The following ZBTB46 variants were observed in gnomAD, a reference collection of about 807,000 sequenced individuals.
ZBTB46 encodes zinc finger and BTB domain containing 46, also known as zinc finger and BTB domain-containing protein 46.
ZBTB46 carries 8 observed loss-of-function variants against 44.1 expected under a neutral mutation model. That is an observed-to-expected ratio of 0.18 (90% CI 0.11 to 0.33). The LOEUF (loss-of-function observed/expected upper bound fraction) is 0.33. Among genes scored for constraint, ZBTB46 ranks in the 10% least tolerant of loss-of-function variants. The pLI is 1.00. For missense variants in ZBTB46, 651 were observed against 847.7 expected (o/e 0.77, Z 2.88); for synonymous variants, 409 against 382.3 (o/e 1.07, Z -0.81).
chr20:63,802,826 C>A (rs2092657457), intron 1 of ZBTB46, among the ~76,000 whole-genome samples: 1 of 150,292 alleles, frequency 6.7e-6, no homozygotes, highest in African/African-American at 2.5e-5. Flanking sequence ...AGCACCCTCC[C>A]AGGAACCGCC....
chr20:63,795,936 G>C (rs145056351), intron 1 of ZBTB46, among the ~76,000 whole-genome samples: 17 of 152,150 alleles, frequency 1.1e-4, no homozygotes, highest in African/African-American at 3.6e-4. Flanking sequence ...GTCCATCATT[G>C]AGCGCCTTTG....
At chr20:63,809,146 CCTGGGGCACTTCG>C (rs1407055188) in intron 1 of ZBTB46, among the ~76,000 whole-genome samples, 1 of 152,164 alleles carries the variant, frequency 6.6e-6, no homozygotes, top group Non-Finnish European at 1.5e-5. Context: ...GACCGCAGCG[CCTGGGGCACTTCG>C]CCATGGGCTT....
At chr20:63,749,474 C>T (rs1057300852) in intron 4 of ZBTB46, among the ~76,000 whole-genome samples, 3 of 152,162 alleles carry the variant, frequency 2.0e-5, no homozygotes, top group South Asian at 2.1e-4. Context: ...GTAGCTGGGA[C>T]TACAGGCACC....
chr20:63,771,756 G>C (rs889428059), intron 3 of ZBTB46, among the ~76,000 whole-genome samples: 1 of 152,232 alleles, frequency 6.6e-6, no homozygotes, highest in Non-Finnish European at 1.5e-5. Context: ...CAGTGAGGGA[G>C]GACCACAGAA....
intron 3 of ZBTB46, among the ~76,000 whole-genome samples, chr20:63,766,315 A>T (rs541019214): frequency 4.2e-5 from 6 of 144,344 alleles, no homozygotes; most frequent in Non-Finnish European, 8.9e-5. Context: ...TCCCGGGTTC[A>T]AGTGATTCTC....
chr20:63,745,552 G>A lies in ZBTB46; in HGVS notation c.*1378C>T, dbSNP rs1275746596. ...GCCCTGAAGCTCAGCACTCCGGGGG[G>A]TCTTCACACGGGCAGGTCCTGGAGG... On this transcript the variant is annotated 3_prime_UTR_variant, in exon 5 of 5. Transcript: ENST00000245663. 1 of 152,334 alleles carries A rather than the reference G, an allele frequency of 6.6e-6. No homozygotes were observed. The highest frequency in any genetic ancestry group is 1.5e-5 in the Non-Finnish European group (1 of 68,086). The allele number at this position is 152,334 out of a possible 1,614,324, so 9.4% of individuals were successfully genotyped here.
At chr20:63,765,105 TTGTG>T (rs1320451168) in intron 3 of ZBTB46, among the ~76,000 whole-genome samples, 61 of 150,486 alleles carry the variant, frequency 4.1e-4, no homozygotes, top group African/African-American at 1.1e-3. Flanking sequence ...GTATGTGTGG[TTGTG>T]TGTGTGTGTG....
intron 1 of ZBTB46, among the ~76,000 whole-genome samples, chr20:63,805,289 C>T (rs2092674202): frequency 1.3e-5 from 2 of 152,216 alleles, no homozygotes; most frequent in South Asian, 2.1e-4. Context: ...ATACTAAGTG[C>T]TGATAGAAGG....
chr20:63,768,691 T>A (rs2092341193), intron 3 of ZBTB46, among the ~76,000 whole-genome samples: 1 of 151,976 alleles, frequency 6.6e-6, no homozygotes, highest in Non-Finnish European at 1.5e-5. Flanking sequence ...GCCCTTTCTT[T>A]ATAGAAAAGA....
rs1259480198 is a variant in ZBTB46, at chr20:63,774,850, C to T, written c.1222+828G>A. Among the ~76,000 whole-genome samples the T allele has an allele frequency of 5.9e-5, 9 of 151,822 alleles. No homozygotes were observed. In the East Asian group the frequency reaches 1.4e-3, roughly 23 times the overall value. ...TCCCGAGTAGCTGGGACTACAGGCG[C>T]CCGCCACCACGCCCGGCTAATTTTT... On this transcript the variant is annotated intron_variant, in intron 3 of 4. Coordinates refer to ENST00000245663, the MANE Select transcript of ZBTB46 (RefSeq NM_001369741.1).
intron 1 of ZBTB46, among the ~76,000 whole-genome samples, chr20:63,807,846 G>A (rs915168400): frequency 4.2e-4 from 64 of 152,258 alleles, no homozygotes; most frequent in Non-Finnish European, 6.8e-4. Context: ...CTCCCAGAGC[G>A]GGGCTCGCCC....
At chr20:63,764,359 T>G (rs2092300809) in intron 3 of ZBTB46, among the ~76,000 whole-genome samples, 1 of 151,486 alleles carries the variant, frequency 6.6e-6, no homozygotes, top group Non-Finnish European at 1.5e-5. Flanking sequence ...TCACTTGAAC[T>G]CGGGAGGCAG....
rs776087199 is a variant in ZBTB46, at chr20:63,790,102, C to G, written c.656G>C (p.Gly219Ala). The G allele has an allele frequency of 6.2e-7, 1 of 1,614,072 alleles. No homozygotes were observed. Among genetic ancestry groups the G allele is most frequent in the Non-Finnish European group, 8.5e-7 (1 of 1,180,032 alleles). ...GCGCAGAGGCCCGTAGCCCACGTCT[C>G]CAGGCCATAGAGGCTGTGAAGAAAC... Reference protein sequence around the residue: ...DDVSSQPLWPGDVGYGPLRIK... With the variant: ...DDVSSQPLWPADVGYGPLRIK... Residue 219 changes from glycine to alanine, a missense_variant, in exon 2 of 5, where the codon GGA becomes GCA. Physicochemically the swap from Gly to Ala is moderately conservative, Grantham distance 60. Around this residue, in one of 5 missense-constraint regions of ZBTB46, gnomAD observed 385 missense variants for 423.3 expected, o/e 0.91. Transcript: ENST00000245663.
At position 63,765,079 on chromosome 20, in the gene ZBTB46, GTGCA is replaced by G. The variant is rs1365982842; in HGVS notation, c.1222+10595_1222+10598del. Among the ~76,000 whole-genome samples, 8 of 36,352 alleles carry G rather than the reference GTGCA, an allele frequency of 2.2e-4. No homozygotes were observed. In the African/African-American group the frequency reaches 2.3e-3, roughly 11 times the overall value. The allele number at this position is 36,352 out of a possible 152,430, so 23.8% of individuals were successfully genotyped here. On this transcript the variant is annotated intron_variant, in intron 3 of 4. Coordinates refer to ENST00000245663, the MANE Select transcript of ZBTB46 (RefSeq NM_001369741.1). ...TATGTTTGTATGTGCATGTGTGCGT[GTGCA>G]TGTGTGCATGTGTATGTGTGGTTGT...
intron 1 of ZBTB46, among the ~76,000 whole-genome samples, chr20:63,827,481 G>A (rs1454945717): frequency 2.0e-5 from 3 of 151,776 alleles, no homozygotes; most frequent in Non-Finnish European, 2.9e-5. Flanking sequence ...GGTGGCGGGC[G>A]CCTGTAGTCC....
At chr20:63,830,572 C>T (rs2092844175) in intron 1 of ZBTB46, among the ~76,000 whole-genome samples, 1 of 150,348 alleles carries the variant, frequency 6.7e-6, no homozygotes, top group Admixed American at 6.6e-5. Context: ...GCAGTTCCGA[C>T]TCTTGGCAAA....
chr20:63,811,062 G>A (rs1601522704), intron 1 of ZBTB46, among the ~76,000 whole-genome samples: 1 of 152,200 alleles, frequency 6.6e-6, no homozygotes, highest in Non-Finnish European at 1.5e-5. Context: ...AAACCCAACA[G>A]GCAGGCGAAG....
At chr20:63,771,330 T>C (rs1203879604) in intron 3 of ZBTB46, among the ~76,000 whole-genome samples, 1 of 151,348 alleles carries the variant, frequency 6.6e-6, no homozygotes, top group Non-Finnish European at 1.5e-5. Context: ...GCCCCCACAG[T>C]CACCCCCACA....
intron 1 of ZBTB46, among the ~76,000 whole-genome samples, chr20:63,813,005 G>A (rs2092726303): frequency 6.6e-6 from 1 of 152,172 alleles, no homozygotes; most frequent in South Asian, 2.1e-4. Flanking sequence ...GGCTGAGGCA[G>A]CAGAATTGCT....
Sources: allele counts gnomAD v4.1 joint callset (sites outside exome capture counted in the v4.1 genomes callset), GRCh38; gene constraint gnomAD v4.1.1; regional missense constraint gnomAD v4.1.1; transcripts MANE v1.5; gene names NCBI Gene and HGNC (gene_info 2026-07-23, HGNC 2026-07-21).